The following SRRM4 variants were observed in gnomAD, a reference collection of about 807,000 sequenced individuals.
SRRM4 encodes serine/arginine repetitive matrix 4, also known as serine/arginine repetitive matrix protein 4.
A neutral mutation model predicts 68.9 loss-of-function variants in SRRM4; 33 were observed. The observed-to-expected ratio is 0.48, with a 90% CI of 0.36 to 0.64. The LOEUF is 0.64. Ranked by LOEUF, SRRM4 falls within the 30% of genes least tolerant of loss-of-function variation. SRRM4 has a pLI of 0.00. For synonymous variants in SRRM4, 318 were observed against 318.8 expected (o/e 1.00, Z 0.03); for missense variants, 817 against 827.1 (o/e 0.99, Z 0.15).
chr12:119,145,351 G>C, intron 8 of SRRM4, 30 bp from the exon 9 acceptor site: 1 of 1,581,764 alleles, frequency 6.3e-7, no homozygotes, highest in East Asian at 2.3e-5. Context: ...CCAGCGCTCA[G>C]CAGTGTCCAA....
At chr12:119,010,349 A>C (rs186629776) in intron 1 of SRRM4, among the ~76,000 whole-genome samples, 2 of 152,352 alleles carry the variant, frequency 1.3e-5, no homozygotes, top group African/African-American at 4.8e-5. Context: ...CACTGTGCCC[A>C]GCCTCAGAAA....
At chr12:119,049,020 G>A (rs570428218) in intron 1 of SRRM4, among the ~76,000 whole-genome samples, 8 of 152,178 alleles carry the variant, frequency 5.3e-5, no homozygotes, top group Non-Finnish European at 1.0e-4. Context: ...GCCAGACACT[G>A]TTCTAGGTGC....
Position 119,151,064 on chromosome 12 carries a change from G to A in SRRM4, c.1124G>A (p.Ser375Asn), listed in dbSNP as rs1213265660. 3 of 1,613,862 alleles carry A rather than the reference G, an allele frequency of 1.9e-6. No individual in the cohort carries two copies. Among genetic ancestry groups the A allele is most frequent in the Non-Finnish European group, 2.5e-6 (3 of 1,179,916 alleles). Residue 375 changes from serine to asparagine, a missense_variant, in exon 10 of 13, where the codon AGT becomes AAT. Ser to Asn is a conservative substitution (Grantham distance 46, BLOSUM62 1). Coordinates refer to ENST00000267260, the MANE Select transcript of SRRM4 (RefSeq NM_194286.4). The part of the protein sequence containing the change: ...CLECAEVKKS[S>N]LVPSTARSSP... ...GAATGTGCCGAAGTGAAGAAGTCCA[G>A]TTTGGTCCCATCCACAGCCCGGAGC...
intron 1 of SRRM4, among the ~76,000 whole-genome samples, chr12:119,049,945 A>G (rs1953732020): frequency 1.3e-5 from 2 of 152,330 alleles, no homozygotes; most frequent in Admixed American, 6.5e-5. Flanking sequence ...AAAAGGTCCT[A>G]TTTTCAAATG....
intron 1 of SRRM4, among the ~76,000 whole-genome samples, chr12:119,008,810 G>A (rs1953431216): frequency 1.3e-5 from 2 of 151,908 alleles, no homozygotes; most frequent in South Asian, 2.1e-4. Flanking sequence ...CCAGCTCTCC[G>A]GCCTTTGACA....
intron 1 of SRRM4, among the ~76,000 whole-genome samples, chr12:119,074,315 G>T (rs1307705068): frequency 6.6e-6 from 1 of 152,142 alleles, no homozygotes; most frequent in East Asian, 1.9e-4. Flanking sequence ...CCAAATAATA[G>T]ATGTTCTTTT....
chr12:119,151,321 C>A, intron 10 of SRRM4, 101 bp downstream of exon 10: 1 of 1,138,120 alleles, frequency 8.8e-7, no homozygotes, highest in Non-Finnish European at 1.3e-6. Flanking sequence ...GTCAGACGGA[C>A]TTAGGTTTGA....
chr12:119,005,490 G>T (rs1010467411), intron 1 of SRRM4, among the ~76,000 whole-genome samples: 9 of 152,130 alleles, frequency 5.9e-5, no homozygotes, highest in Non-Finnish European at 1.2e-4. Flanking sequence ...CGCTCCCTAG[G>T]TGATCCTAAT....
At chr12:119,143,954 G>A (rs551743363) in intron 8 of SRRM4, among the ~76,000 whole-genome samples, 1 of 152,238 alleles carries the variant, frequency 6.6e-6, no homozygotes, top group South Asian at 2.1e-4. Flanking sequence ...GCATGGTACT[G>A]CTGGCAGAGG....
chr12:119,149,207 G>T (rs1373768711), intron 9 of SRRM4, among the ~76,000 whole-genome samples: 1 of 152,208 alleles, frequency 6.6e-6, no homozygotes, highest in Non-Finnish European at 1.5e-5. Context: ...AACTAGCTGA[G>T]TGTGGTGGTG....
Position 119,125,471 on chromosome 12 carries a change from T to C in SRRM4, c.606T>C (p.Cys202=). The C allele has an allele frequency of 6.3e-7, 1 of 1,591,724 alleles. No individual in the cohort carries two copies. The highest frequency in any genetic ancestry group is 8.6e-7 in the Non-Finnish European group (1 of 1,169,158). ...SQSSESRPSS[C]ESRHRGRSPE... ...GCTCGGAGTCCCGCCCCTCAAGCTGTGAGAGCAGGTAACCCCTTGCCCCAG... is the reference window on the plus strand; with the variant it reads ...GCTCGGAGTCCCGCCCCTCAAGCTGCGAGAGCAGGTAACCCCTTGCCCCAG... Residue 202 remains cysteine, a synonymous_variant, in exon 7 of 13, where the codon TGT becomes TGC. Coordinates refer to ENST00000267260, the MANE Select transcript of SRRM4 (RefSeq NM_194286.4).
At position 119,116,891 on chromosome 12, in the gene SRRM4, G is replaced by A. The variant is rs1954183411; in HGVS notation, c.366-46G>A. The A allele has an allele frequency of 1.5e-5, 23 of 1,583,198 alleles. No homozygotes were observed. In the East Asian group the frequency reaches 4.9e-4, roughly 34 times the overall value. On this transcript the variant is annotated intron_variant, in intron 3 of 12. Coordinates refer to ENST00000267260, the MANE Select transcript of SRRM4 (RefSeq NM_194286.4). ...AAGGTTCTTTTTGAAACCAACCTTG[G>A]CCTTTAAGAGCCTCCTTCTGAAATG...
At chr12:119,052,584 A>C (rs1342706030) in intron 1 of SRRM4, among the ~76,000 whole-genome samples, 1 of 152,144 alleles carries the variant, frequency 6.6e-6, no homozygotes, top group East Asian at 1.9e-4. Flanking sequence ...GCTGGAGTGT[A>C]GTAGCGCGAT....
chr12:119,071,439 T>G (rs1336200878), intron 1 of SRRM4, among the ~76,000 whole-genome samples: 1 of 152,200 alleles, frequency 6.6e-6, no homozygotes, highest in Non-Finnish European at 1.5e-5. Context: ...CTGTAACAAC[T>G]CAGCACATAC....
chr12:119,011,914 C>T (rs930596449), intron 1 of SRRM4, among the ~76,000 whole-genome samples: 1 of 152,218 alleles, frequency 6.6e-6, no homozygotes, highest in South Asian at 2.1e-4. Flanking sequence ...GCTCTAAGCT[C>T]ACCTGTAAAA....
chr12:119,023,442 A>G (rs1471939137), intron 1 of SRRM4, among the ~76,000 whole-genome samples: 3 of 152,156 alleles, frequency 2.0e-5, no homozygotes, highest in Non-Finnish European at 4.4e-5. Context: ...CCCAAAAGAC[A>G]CAGCAATTCC....
intron 6 of SRRM4, among the ~76,000 whole-genome samples, chr12:119,122,854 G>C (rs554407349): frequency 6.6e-6 from 1 of 152,294 alleles, no homozygotes; most frequent in South Asian, 2.1e-4. Context: ...TTCATGTGCT[G>C]ACTGTTGGAT....
At chr12:118,990,314 T>A (rs1242673211) in intron 1 of SRRM4, among the ~76,000 whole-genome samples, 2 of 151,666 alleles carry the variant, frequency 1.3e-5, no homozygotes, top group Non-Finnish European at 2.9e-5. Flanking sequence ...ACCAGGGGAG[T>A]CTCTAGATGA....
chr12:119,103,379 A>G (rs1246097093), intron 2 of SRRM4, among the ~76,000 whole-genome samples: 1 of 152,146 alleles, frequency 6.6e-6, no homozygotes, highest in Non-Finnish European at 1.5e-5. Context: ...CCATTACCCA[A>G]TAGTTATCTT....
Sources: allele counts gnomAD v4.1 joint callset (sites outside exome capture counted in the v4.1 genomes callset), GRCh38; gene constraint gnomAD v4.1.1; transcripts MANE v1.5; gene names NCBI Gene and HGNC (gene_info 2026-07-23, HGNC 2026-07-21).